L1TD1: variants seen among roughly 807,000 people sequenced by gnomAD.
The protein encoded by L1TD1 is LINE1 type transposase domain containing 1, also known as LINE-1 type transposase domain-containing protein 1.
A neutral mutation model predicts 25.7 loss-of-function variants in L1TD1; 26 were observed. That is an observed-to-expected ratio of 1.01 (90% CI 0.74 to 1.40). The LOEUF (loss-of-function observed/expected upper bound fraction) is 1.40, where lower values mean the gene tolerates loss of function less well. L1TD1 is among the 40% of genes most tolerant of loss of function. The pLI is 0.00. For synonymous variants in L1TD1, 421 were observed against 335.6 expected, an observed-to-expected ratio of 1.25 and a Z score of -2.78; for missense variants, 1,130 against 975.0, an observed-to-expected ratio of 1.16 and a Z score of -2.12.
chr1:62,195,346 A>C (rs1314233436), intron 1 of L1TD1, among the ~76,000 whole-genome samples: 1 of 152,258 alleles, frequency 6.6e-6, no homozygotes, highest in Non-Finnish European at 1.5e-5. Flanking sequence ...CGCAATGAGA[A>C]AAAAACTCTC....
rs1196386968 is a variant in L1TD1 at position 62,212,262 on chromosome 1, G to A, written c.*890G>A. The A allele has an allele frequency of 1.3e-5, 2 of 152,008 alleles. No homozygotes were observed. Among genetic ancestry groups the A allele is most frequent in the Admixed American group, 6.6e-5 (1 of 15,252 alleles). 9.4% of individuals were successfully genotyped at this position (152,008 alleles called of 1,614,324 possible). A position where few individuals can be genotyped will look rare whatever the true frequency, so the allele number is the denominator to read the frequency against. ...AAAAAATACAAAAAGAGGAAGAAAT[G>A]ATATTTCACAAGTTTGTATCATTTG... On this transcript the variant is annotated 3_prime_UTR_variant, in exon 4 of 4. Coordinates refer to ENST00000498273, the MANE Select transcript of L1TD1 (RefSeq NM_019079.5).
Position 62,210,451 on chromosome 1 carries a change from A to C in L1TD1, c.1677A>C (p.Ser559=). The C allele has an allele frequency of 6.2e-7, 1 of 1,614,188 alleles. No homozygotes were observed. The highest frequency in any genetic ancestry group is 8.5e-7 in the Non-Finnish European group (1 of 1,180,034). The change falls in exon 4 of 4, where the codon TCA becomes TCC. Residue 559 remains serine, a synonymous_variant. Coordinates refer to ENST00000498273, the MANE Select transcript of L1TD1 (RefSeq NM_019079.5). The part of the protein sequence containing the change: ...PCLTLCLASP[S]KSLEMSHDEH... ...TGACCTTATGTTTGGCCTCTCCCTC[A>C]AAGTCACTAGAGATGAGTCATGATG...
At position 62,210,329 on chromosome 1, in the gene L1TD1, G is replaced by C; in HGVS notation, c.1555G>C (p.Gly519Arg). The C allele has an allele frequency of 6.2e-7, 1 of 1,613,874 alleles. No homozygotes were observed. The highest frequency in any genetic ancestry group is 8.5e-7 in the Non-Finnish European group (1 of 1,179,988). ...IPFSYLVGDS[G>R]KKKLVKHQVV... ...CTTTAGTTATTTGGTTGGGGACTCT[G>C]GGAAGAAAAAGTTGGTGAAACACCA... Residue 519 changes from glycine (G) to arginine (R), a missense_variant, in exon 4 of 4, where the codon GGG (glycine) becomes CGG (arginine). Coordinates refer to ENST00000498273, the MANE Select transcript of L1TD1 (RefSeq NM_019079.5).
At position 62,210,434 on chromosome 1, in the gene L1TD1, T is replaced by C. The variant is rs772772111; in HGVS notation, c.1660T>C (p.Cys554Arg). The change falls in exon 4 of 4, where the codon TGT becomes CGT. Residue 554 changes from cysteine (C) to arginine (R), a missense_variant. By Grantham distance (180) the Cys-to-Arg change is radical. Coordinates refer to ENST00000498273, the MANE Select transcript of L1TD1 (RefSeq NM_019079.5). ...QGTGTPCLTL[C>R]LASPSKSLEM... ...AACTGGCACACCCTGTCTGACCTTA[T>C]GTTTGGCCTCTCCCTCAAAGTCACT... 21 of 1,614,070 alleles carry C rather than the reference T, an allele frequency of 1.3e-5. No homozygotes were observed. The South Asian group carries it at 1.6e-4, about 13-fold the overall frequency.
chr1:62,202,693 T>TTTTGG (rs1670665701), intron 2 of L1TD1, among the ~76,000 whole-genome samples: 1 of 110,242 alleles, frequency 9.1e-6, no homozygotes. Flanking sequence ...TTTTTTTTTT[T>TTTTGG]GAGACAGAGT....
chr1:62,201,164 G>C lies in L1TD1; in HGVS notation c.-111+4636G>C, dbSNP rs112542719. ...GGCTGGTCTGGAACTGCTGACCTCAGGTGATCTGCCCTCCTCAACTTCCCA... is the reference window on the plus strand; with the variant it reads ...GGCTGGTCTGGAACTGCTGACCTCACGTGATCTGCCCTCCTCAACTTCCCA... On this transcript the variant is annotated intron_variant, in intron 2 of 3. Coordinates refer to ENST00000498273, the MANE Select transcript of L1TD1 (RefSeq NM_019079.5). 6.7e-3 allele frequency among the ~76,000 whole-genome samples: 1,016 copies of C among 152,212 alleles called. 9 individuals carry two copies. Among genetic ancestry groups the C allele is most frequent in the African/African-American group, 0.023 (962 of 41,550 alleles).
In L1TD1 at chr1:62,211,144, C is replaced by G. The variant is rs931927834; in HGVS notation, c.2370C>G (p.Ile790Met). The change falls in exon 4 of 4, where the codon ATC (isoleucine) becomes ATG (methionine). Residue 790 changes from isoleucine to methionine, a missense_variant. By Grantham distance (10) the Ile-to-Met change is conservative. Coordinates refer to ENST00000498273, the MANE Select transcript of L1TD1 (RefSeq NM_019079.5). Reference sequence around the variant, plus strand: ...AAATTACCTACCAAGGAACAAGAATCAGGTTGACAGCAGACTTATCACTGG... The same window carrying G: ...AAATTACCTACCAAGGAACAAGAATGAGGTTGACAGCAGACTTATCACTGG... ...RREITYQGTR[I>M]RLTADLSLDT... The G allele has an allele frequency of 3.7e-5, 57 of 1,549,616 alleles. No individual in the cohort carries two copies. Among genetic ancestry groups the G allele is most frequent in the Non-Finnish European group, 4.7e-5 (54 of 1,146,550 alleles).
Position 62,197,397 on chromosome 1 carries a change from T to TTATATATATATATATA in L1TD1, c.-111+890_-111+905dup, listed in dbSNP as rs10528649. Among the ~76,000 whole-genome samples the TTATATATATATATATA allele has an allele frequency of 9.3e-3, 748 of 80,134 alleles. 14 individuals carry two copies. Among genetic ancestry groups the TTATATATATATATATA allele is most frequent in the East Asian group, 0.018 (20 of 1,140 alleles). The allele number at this position is 80,134 out of a possible 152,430, so 52.6% of individuals were successfully genotyped here. On this transcript the variant is annotated intron_variant, in intron 2 of 3. Transcript: ENST00000498273. ...GAGACGCCCTCTCAAAAAAAATAAA[T>TTATATATATATATATA]TATATATATATATATATATATATAT...
rs771052961 is a variant in L1TD1 at position 62,207,051 on chromosome 1, G to A, written c.423G>A (p.Glu141=). 3.7e-6 allele frequency: 6 copies of A among 1,613,946 alleles called. No individual in the cohort carries two copies. In the Admixed American group the frequency reaches 6.7e-5, roughly 18 times the overall value. The change falls in exon 3 of 4, where the codon GAG becomes GAA. Residue 141 remains glutamate (E), a synonymous_variant. Transcript: ENST00000498273. ...TAACCTTTAAATTAGAAGTAAATGA[G>A]CTGAGTGGTAAATTAGACAACACTA... ...ENLTFKLEVN[E]LSGKLDNTNE...
intron 2 of L1TD1, among the ~76,000 whole-genome samples, chr1:62,205,439 A>ATTTTTTTTTTTTTTTTTTTTTTTTTT (rs1297750882): frequency 4.5e-5 from 2 of 44,234 alleles, no homozygotes; most frequent in Admixed American, 3.2e-4. Flanking sequence ...ATATATATAT[A>ATTTTTTTTTTTTTTTTTTTTTTTTTT]TATATTTTTT....
Position 62,207,351 on chromosome 1 carries a change from A to T in L1TD1, c.723A>T (p.Ala241=), listed in dbSNP as rs777535958. 6.4e-7 allele frequency: 1 copy of T among 1,551,472 alleles called. No homozygotes were observed. Among genetic ancestry groups the T allele is most frequent in the South Asian group, 1.2e-5 (1 of 84,046 alleles). ...AAAAAGTGTTGATGGATGAAGGAGC[A>T]GTACTTACCCTGGTAGCCGACCTTT... ...REEKVLMDEG[A]VLTLVADLSS... The change falls in exon 3 of 4, where the codon GCA becomes GCT. Residue 241 remains alanine, a synonymous_variant. Coordinates refer to ENST00000498273, the MANE Select transcript of L1TD1 (RefSeq NM_019079.5).
In L1TD1 at chr1:62,200,713, T is replaced by C. The variant is rs558546816; in HGVS notation, c.-111+4185T>C. ...TAATGGTAGATTCTCAAGGGGAGAGTATATGTATTATTTCTGACTTTAATA... is the reference window on the plus strand; with the variant it reads ...TAATGGTAGATTCTCAAGGGGAGAGCATATGTATTATTTCTGACTTTAATA... On this transcript the variant is annotated intron_variant, in intron 2 of 3. Transcript: ENST00000498273. Among the ~76,000 whole-genome samples, 43 of 151,812 alleles carry C rather than the reference T, an allele frequency of 2.8e-4. 1 individual carries two copies. The highest frequency in any genetic ancestry group is 9.9e-4 in the African/African-American group (41 of 41,432).
chr1:62,210,606 A>C lies in L1TD1; in HGVS notation c.1832A>C (p.Glu611Ala), dbSNP rs751524660. 1 of 1,607,622 alleles carries C rather than the reference A, an allele frequency of 6.2e-7. No homozygotes were observed. Among genetic ancestry groups the C allele is most frequent in the South Asian group, 1.1e-5 (1 of 90,208 alleles). ...ACATCCAAAGAAGCAGACTTAACAG[A>C]GGAAACAGAAGAAAACTTGAGAAGT... ...ELTSKEADLT[E>A]ETEENLRSSV... The change falls in exon 4 of 4, where the codon GAG (glutamate) becomes GCG (alanine). Residue 611 changes from glutamate (E) to alanine (A), a missense_variant. Coordinates refer to ENST00000498273, the MANE Select transcript of L1TD1 (RefSeq NM_019079.5).
At position 62,207,634 on chromosome 1, in the gene L1TD1, A is replaced by AGG; in HGVS notation, c.1008_1008+1dup. ...AAGAAAATATGGAATTCAAGAAAAA[A>AGG]GGGTAAGCATACAAATGTATAAATG... On this transcript the variant is annotated frameshift_variant and splice_region_variant, in exon 3 of 4. Coordinates refer to ENST00000498273, the MANE Select transcript of L1TD1 (RefSeq NM_019079.5). LOFTEE classifies it low-confidence loss of function (END_TRUNC). 2.0e-6 allele frequency: 3 copies of AGG among 1,528,796 alleles called. No individual in the cohort carries two copies. Among genetic ancestry groups the AGG allele is most frequent in the Middle Eastern group, 1.7e-4 (1 of 5,806 alleles). 94.7% of individuals were successfully genotyped at this position (1,528,796 alleles called of 1,614,324 possible).
In L1TD1 at chr1:62,207,073, A is replaced by G; in HGVS notation, c.445A>G (p.Thr149Ala). The G allele has an allele frequency of 1.2e-6, 2 of 1,613,670 alleles. No homozygotes were observed. The highest frequency in any genetic ancestry group is 1.7e-6 in the Non-Finnish European group (2 of 1,179,794). ...VNELSGKLDNTNEYNSNDGKK... is the reference protein window; with the variant it reads ...VNELSGKLDNANEYNSNDGKK... The stretch of plus-strand genomic sequence containing the variant: ...TGAGCTGAGTGGTAAATTAGACAAC[A>G]CTAACGAATACAATAGTAATGATGG... The change falls in exon 3 of 4, where the codon ACT becomes GCT. Residue 149 changes from threonine (T) to alanine (A), a missense_variant. Physicochemically the swap from Thr to Ala is moderately conservative, Grantham distance 58. Coordinates refer to ENST00000498273, the MANE Select transcript of L1TD1 (RefSeq NM_019079.5).
chr1:62,209,682 T>C, intron 3 of L1TD1, 101 bp from the exon 4 acceptor site: 1 of 1,012,572 alleles, frequency 9.9e-7, no homozygotes, highest in Non-Finnish European at 1.4e-6. Context: ...TCTGTCAGAA[T>C]TGAAGCCATA....
rs149619557 is a variant in L1TD1, at chr1:62,210,183, T to C, written c.1409T>C (p.Ile470Thr). ...ITSDGMETTF[I>T]DSVEDSESEE... The stretch of plus-strand genomic sequence containing the variant: ...AGTGATGGCATGGAAACTACTTTCA[T>C]TGACTCTGTAGAGGATTCTGAATCA... The change falls in exon 4 of 4, where the codon ATT becomes ACT. Residue 470 changes from isoleucine to threonine, a missense_variant. Transcript: ENST00000498273. The C allele has an allele frequency of 1.9e-6, 3 of 1,613,962 alleles. No individual in the cohort carries two copies. The highest frequency in any genetic ancestry group is 1.1e-5 in the South Asian group (1 of 91,082).
chr1:62,197,688 G>A (rs1670570277), intron 2 of L1TD1, among the ~76,000 whole-genome samples: 1 of 151,792 alleles, frequency 6.6e-6, no homozygotes. Flanking sequence ...AGACCAGCCT[G>A]GCCAACATGG....
chr1:62,207,716 A>AT lies in L1TD1; in HGVS notation c.1008+90dup, dbSNP rs550636848. On this transcript the variant is annotated intron_variant, in intron 3 of 3. Coordinates refer to ENST00000498273, the MANE Select transcript of L1TD1 (RefSeq NM_019079.5). ...CATGGTTATTTTGAAGGATAAATCA[A>AT]TTTTTTTTTTCTTGAGATGGAGTTT... 9.4e-3 allele frequency: 11,953 copies of AT among 1,266,310 alleles called. 3 individuals are homozygous for AT. Among genetic ancestry groups the AT allele is most frequent in the South Asian group, 0.012 (628 of 53,110 alleles). The allele number at this position is 1,266,310 out of a possible 1,614,324, so 78.4% of individuals were successfully genotyped here.
Sources: gnomAD v4.1 joint callset for allele counts (sites outside exome capture counted in the v4.1 genomes callset) on GRCh38, gnomAD v4.1.1 for gene constraint, MANE v1.5 for transcripts, NCBI Gene and HGNC (gene_info 2026-07-23, HGNC 2026-07-21) for gene names.